The following PDE5A variants were observed in gnomAD, a reference collection of about 807,000 sequenced individuals.
The protein encoded by PDE5A is cGMP-specific 3',5'-cyclic phosphodiesterase.
In PDE5A, 67 loss-of-function variants were observed where a neutral mutation model predicts 110.2. That is an observed-to-expected ratio of 0.61 (90% CI 0.50 to 0.75). The LOEUF (loss-of-function observed/expected upper bound fraction) is 0.75, where lower values mean the gene tolerates loss of function less well. Among genes scored for constraint, PDE5A ranks in the 30% least tolerant of loss-of-function variants. The pLI is 0.00. For missense variants in PDE5A, 862 were observed against 1,045.1 expected (o/e 0.82, Z 2.42); for synonymous variants, 328 against 351.2 (o/e 0.93, Z 0.74).
At chr4:119,506,493 A>G (rs1315466666) in intron 16 of PDE5A, among the ~76,000 whole-genome samples, 1 of 151,886 alleles carries the variant, frequency 6.6e-6, no homozygotes, top group Non-Finnish European at 1.5e-5. Flanking sequence ...CATAAGACAA[A>G]AATTTTTCTT....
chr4:119,544,385 A>G (rs1339073735), intron 9 of PDE5A, among the ~76,000 whole-genome samples: 1 of 152,242 alleles, frequency 6.6e-6, no homozygotes, highest in African/African-American at 2.4e-5. Flanking sequence ...AGTAAAAGCC[A>G]TATACTAAAT....
At chr4:119,552,321 T>A (rs1380613179) in intron 9 of PDE5A, 7 of 283,572 alleles carry the variant, frequency 2.5e-5, no homozygotes, top group Non-Finnish European at 4.6e-5. Context: ...TCAATCATTC[T>A]TAAACAAAAA....
At chr4:119,524,578 C>CTT (rs1445553763) in intron 12 of PDE5A, among the ~76,000 whole-genome samples, 1 of 152,112 alleles carries the variant, frequency 6.6e-6, no homozygotes, top group Non-Finnish European at 1.5e-5. Flanking sequence ...TATATTCACT[C>CTT]TTAGTTTTCA....
At chr4:119,519,612 A>G (rs1334410543) in intron 13 of PDE5A, 3 of 153,418 alleles carry the variant, frequency 2.0e-5, no homozygotes, top group Non-Finnish European at 4.4e-5. Context: ...GTTACATAAT[A>G]TACTCTCAAG....
At position 119,627,183 on chromosome 4, in the gene PDE5A, G is replaced by C; in HGVS notation, c.152+1337C>G. Reference sequence around the variant, plus strand: ...GTCTCCAAAGGGCAACATAGCAAACGTGGGAAGTTCGTTTTCGAACTCCGC... The same window carrying C: ...GTCTCCAAAGGGCAACATAGCAAACCTGGGAAGTTCGTTTTCGAACTCCGC... On this transcript the variant is annotated intron_variant, in intron 1 of 20. Transcript: ENST00000354960. The surrounding 1 kb of genome is among the most constrained non-coding windows in gnomAD (Gnocchi z 4.6). 6.2e-7 allele frequency: 1 copy of C among 1,612,938 alleles called. No homozygotes were observed. The highest frequency in any genetic ancestry group is 1.3e-5 in the African/African-American group (1 of 75,020).
intron 9 of PDE5A, chr4:119,548,110 A>G (rs1727201848): frequency 7.7e-6 from 1 of 129,330 alleles, no homozygotes; most frequent in Non-Finnish European, 1.5e-5. Context: ...TTGCAGTGGC[A>G]CAATCTTGGC....
chr4:119,566,728 T>C (rs41278069), intron 4 of PDE5A, among the ~76,000 whole-genome samples: 494 of 152,318 alleles, frequency 3.2e-3, no homozygotes, highest in Non-Finnish European at 5.4e-3. Context: ...AGTGTTTTTA[T>C]GGGGTTTTAC....
intron 14 of PDE5A, among the ~76,000 whole-genome samples, chr4:119,515,729 A>T (rs985414698): frequency 9.2e-5 from 14 of 151,852 alleles, no homozygotes; most frequent in African/African-American, 2.9e-4. Flanking sequence ...AAATTAAAAA[A>T]TTTTTTTCTC....
chr4:119,566,857 A>T (rs1049871919), intron 4 of PDE5A, among the ~76,000 whole-genome samples: 9 of 152,174 alleles, frequency 5.9e-5, no homozygotes, highest in Non-Finnish European at 1.2e-4. Context: ...GCAAGGAGGG[A>T]ATTTGGGGGT....
intron 15 of PDE5A, among the ~76,000 whole-genome samples, chr4:119,510,428 T>C (rs746357227): frequency 1.3e-5 from 2 of 152,024 alleles, no homozygotes; most frequent in African/African-American, 4.8e-5. Context: ...AGGTAATACA[T>C]ACACACAGCC....
At chr4:119,542,380 C>T (rs1314013600) in intron 10 of PDE5A, 79 bp downstream of exon 10, 2 of 1,349,978 alleles carry the variant, frequency 1.5e-6, no homozygotes, top group African/African-American at 1.4e-5. Flanking sequence ...AACACACACA[C>T]ACCATGAGTG....
intron 1 of PDE5A, among the ~76,000 whole-genome samples, chr4:119,616,929 T>C (rs1472014434): frequency 6.6e-6 from 1 of 152,176 alleles, no homozygotes. Flanking sequence ...ACTCTTAAAA[T>C]GATGGACTCA....
Position 119,498,525 on chromosome 4 carries a change from G to C in PDE5A, c.*76C>G. The C allele has an allele frequency of 4.0e-6, 6 of 1,500,264 alleles. No homozygotes were observed. The highest frequency in any genetic ancestry group is 5.5e-6 in the Non-Finnish European group (6 of 1,083,168). The allele number at this position is 1,500,264 out of a possible 1,614,324, so 92.9% of individuals were successfully genotyped here. On this transcript the variant is annotated 3_prime_UTR_variant, in exon 21 of 21. Transcript: ENST00000354960. ...ATATACCAAATACAGACACTATACA[G>C]ACAGTGTGTAAGAAACTAGGCATAT...
chr4:119,584,571 T>G (rs1202750678), intron 3 of PDE5A, among the ~76,000 whole-genome samples: 2 of 152,250 alleles, frequency 1.3e-5, no homozygotes, highest in Non-Finnish European at 2.9e-5. Context: ...TATCAAAATA[T>G]ATCAAGTGTC....
Position 119,607,115 on chromosome 4 carries a change from G to C in PDE5A, c.335C>G (p.Pro112Arg). ...TCCCTCAGAATCCTTGACAACAATG[G>C]GTCTAAGAGGCCGGTCAAATTCAGA... ...SASEFDRPLR[P>R]IVVKDSEGTV... Residue 112 changes from proline to arginine, a missense_variant, in exon 2 of 21, where the codon CCC becomes CGC. Pro to Arg is a moderately radical substitution (Grantham distance 103). Coordinates refer to ENST00000354960, the MANE Select transcript of PDE5A (RefSeq NM_001083.4). The C allele has an allele frequency of 6.2e-7, 1 of 1,614,108 alleles. No homozygotes were observed. The highest frequency in any genetic ancestry group is 8.5e-7 in the Non-Finnish European group (1 of 1,180,018).
At chr4:119,611,256 A>AT (rs1330979457) in intron 1 of PDE5A, among the ~76,000 whole-genome samples, 1 of 152,168 alleles carries the variant, frequency 6.6e-6, no homozygotes, top group Non-Finnish European at 1.5e-5. Context: ...ATCTGTTGTT[A>AT]TATCATCTAT....
chr4:119,501,702 T>A, intron 19 of PDE5A, among the ~76,000 whole-genome samples: 1 of 152,286 alleles, frequency 6.6e-6, no homozygotes, highest in Middle Eastern at 3.4e-3. Context: ...AAAACTCTTA[T>A]GTTTTATTTC....
chr4:119,559,508 T>A (rs1199358900), intron 7 of PDE5A, among the ~76,000 whole-genome samples: 1 of 152,160 alleles, frequency 6.6e-6, no homozygotes, highest in Non-Finnish European at 1.5e-5. Flanking sequence ...GTATAGGAAC[T>A]CATTATTTAT....
intron 3 of PDE5A, among the ~76,000 whole-genome samples, chr4:119,574,984 T>A (rs1728279431): frequency 6.6e-6 from 1 of 152,012 alleles, no homozygotes; most frequent in Non-Finnish European, 1.5e-5. Context: ...TGCAGAGAAG[T>A]CCTTAAAGGA....
Sources: allele counts gnomAD v4.1 joint callset (sites outside exome capture counted in the v4.1 genomes callset), GRCh38; gene constraint gnomAD v4.1.1; non-coding constraint Gnocchi (gnomAD v3.1); transcripts MANE v1.5; gene names NCBI Gene and HGNC (gene_info 2026-07-23, HGNC 2026-07-21).